RIGI: variants seen among roughly 807,000 people sequenced by gnomAD.
RIGI encodes RNA sensor RIG-I.
At chr9:32,501,103 G>A in the RIGI span, among the ~76,000 whole-genome samples, 10 of 152,052 alleles carry the variant, frequency 6.6e-5, no homozygotes, top group East Asian at 1.9e-4. Context: ...TGCCCAGGCC[G>A]ACTGTGCCCA....
At chr9:32,463,107 G>C in the RIGI span, among the ~76,000 whole-genome samples, 1 of 151,806 alleles carries the variant, frequency 6.6e-6, no homozygotes, top group Non-Finnish European at 1.5e-5. Flanking sequence ...CCTGGGCTCT[G>C]TCTCAAAAAA....
At chr9:32,495,659 C>CTTT in the RIGI span, among the ~76,000 whole-genome samples, 19 of 120,748 alleles carry the variant, frequency 1.6e-4, 1 homozygote, top group South Asian at 5.3e-4. Context: ...AGTCCTTTGC[C>CTTT]TTTTTTTTTT....
the RIGI span, among the ~76,000 whole-genome samples, chr9:32,504,122 G>T: frequency 6.6e-6 from 1 of 151,036 alleles, no homozygotes; most frequent in South Asian, 2.1e-4. Flanking sequence ...AAGTGCTGCA[G>T]CTTCCAGGGT....
the RIGI span, among the ~76,000 whole-genome samples, chr9:32,490,785 T>TC: frequency 6.6e-6 from 1 of 152,134 alleles, no homozygotes; most frequent in Admixed American, 6.6e-5. Context: ...AAAAGGGAGC[T>TC]CCTCTTGGAG....
the RIGI span, among the ~76,000 whole-genome samples, chr9:32,478,860 T>G: frequency 6.6e-5 from 10 of 152,178 alleles, no homozygotes; most frequent in Non-Finnish European, 1.3e-4. Context: ...ATGCCCGGCT[T>G]AATTTATGTT....
the RIGI span, among the ~76,000 whole-genome samples, chr9:32,471,263 A>T: frequency 1.3e-5 from 2 of 152,210 alleles, no homozygotes; most frequent in African/African-American, 4.8e-5. Context: ...AAAATAAAAT[A>T]AAATAAATAA....
chr9:32,482,185 GTT>G, the RIGI span, among the ~76,000 whole-genome samples: 5 of 144,900 alleles, frequency 3.5e-5, no homozygotes, highest in Admixed American at 6.8e-5. Context: ...CTGTGTGTTT[GTT>G]TGTGTGTGTG....
the RIGI span, chr9:32,456,064 C>T: frequency 6.6e-6 from 1 of 152,106 alleles, no homozygotes; most frequent in Non-Finnish European, 1.5e-5. Context: ...CTAAGTGACA[C>T]GTGAATGCCA....
chr9:32,500,966 T>C, the RIGI span: 1 of 1,610,480 alleles, frequency 6.2e-7, no homozygotes, highest in African/African-American at 1.3e-5. Context: ...AAATGACTCA[T>C]CAAACTGCAG....
At chr9:32,511,081 T>A in the RIGI span, among the ~76,000 whole-genome samples, 1 of 152,122 alleles carries the variant, frequency 6.6e-6, no homozygotes, top group Non-Finnish European at 1.5e-5. Flanking sequence ...AATACCCAGA[T>A]TCATAAAGCA....
the RIGI span, among the ~76,000 whole-genome samples, chr9:32,495,478 G>A: frequency 6.6e-6 from 1 of 151,806 alleles, no homozygotes; most frequent in African/African-American, 2.4e-5. Context: ...TGGGATTACA[G>A]GCATGAGCCA....
chr9:32,525,497 G>A, the RIGI span, among the ~76,000 whole-genome samples: 1 of 152,188 alleles, frequency 6.6e-6, no homozygotes, highest in Non-Finnish European at 1.5e-5. Context: ...AGGATCACCT[G>A]TCTCCGAAGT....
At chr9:32,458,425 G>A in the RIGI span, among the ~76,000 whole-genome samples, 1 of 152,164 alleles carries the variant, frequency 6.6e-6, no homozygotes, top group Non-Finnish European at 1.5e-5. Context: ...ATACATTTTG[G>A]TATAGTTCCC....
the RIGI span, chr9:32,480,187 C>A: frequency 1.3e-6 from 2 of 1,573,790 alleles, no homozygotes; most frequent in Non-Finnish European, 1.7e-6. Context: ...AAGAATGCTA[C>A]TGTGGCTTCC....
chr9:32,488,871 A>G, the RIGI span: 1 of 1,606,478 alleles, frequency 6.2e-7, no homozygotes, highest in South Asian at 1.1e-5. Flanking sequence ...GCAGTGAAAC[A>G]AAGGTTTTTC....
chr9:32,516,430 G>A, the RIGI span, among the ~76,000 whole-genome samples: 1 of 152,128 alleles, frequency 6.6e-6, no homozygotes, highest in African/African-American at 2.4e-5. Context: ...AGATTTTTGT[G>A]GCTGGGTTGC....
At chr9:32,504,788 T>TATATTTAATACATAAAATATATAAA in the RIGI span, among the ~76,000 whole-genome samples, 1 of 136,304 alleles carries the variant, frequency 7.3e-6, no homozygotes, top group African/African-American at 2.7e-5. Context: ...ATATATAAAA[T>TATATTTAATACATAAAATATATAAA]ATATTTAATA....
chr9:32,492,403 T>C, the RIGI span: 11 of 1,614,024 alleles, frequency 6.8e-6, no homozygotes, highest in African/African-American at 5.3e-5. Flanking sequence ...TTCTCTACAA[T>C]CCACAGTTCA....
At chr9:32,457,169 A>G in the RIGI span, 1 of 1,614,024 alleles carries the variant, frequency 6.2e-7, no homozygotes, top group East Asian at 2.2e-5. Flanking sequence ...TCAAAATGAA[A>G]GTCCTTCCAC....
Sources: gnomAD v4.1 joint callset for allele counts (sites outside exome capture counted in the v4.1 genomes callset) on GRCh38, gnomAD v4.1.1 for gene constraint, MANE v1.5 for transcripts, NCBI Gene and HGNC (gene_info 2026-07-23, HGNC 2026-07-21) for gene names.